The following OLFM2 variants were observed in gnomAD, a reference collection of about 807,000 sequenced individuals.
The protein encoded by OLFM2 is olfactomedin 2.
Under a neutral mutation model 43.9 loss-of-function variants are expected in OLFM2, and 20 were observed. The observed-to-expected ratio is 0.46, with a 90% CI of 0.32 to 0.66. OLFM2 has a LOEUF of 0.66. OLFM2 is among the 30% of genes least tolerant of loss of function. OLFM2 has a pLI of 0.04. For synonymous variants in OLFM2, 268 were observed against 278.6 expected (o/e 0.96, Z 0.38); for missense variants, 416 against 643.6 (o/e 0.65, Z 3.83).
At chr19:9,928,555 A>G (rs746623952) in intron 1 of OLFM2, among the ~76,000 whole-genome samples, 26 of 152,140 alleles carry the variant, frequency 1.7e-4, no homozygotes, top group Non-Finnish European at 2.9e-4. Flanking sequence ...CTGTAATCCC[A>G]GCACTGAGGG....
At chr19:9,873,344 G>A (rs1387404658) in intron 1 of OLFM2, among the ~76,000 whole-genome samples, 1 of 152,114 alleles carries the variant, frequency 6.6e-6, no homozygotes, top group African/African-American at 2.4e-5. Flanking sequence ...TGTAGAGACG[G>A]GGTTTCACCA....
At chr19:9,859,270 T>C (rs1225313714) in intron 2 of OLFM2, among the ~76,000 whole-genome samples, 2 of 152,300 alleles carry the variant, frequency 1.3e-5, no homozygotes, top group East Asian at 3.9e-4. Flanking sequence ...CCAAAAATAT[T>C]AAGTGGGAAA....
intron 1 of OLFM2, among the ~76,000 whole-genome samples, chr19:9,912,867 G>A (rs2046838532): frequency 1.3e-5 from 2 of 151,616 alleles, no homozygotes; most frequent in South Asian, 4.2e-4. Flanking sequence ...GAGAAAAAGA[G>A]AGAAAAAAAG....
At chr19:9,885,762 C>G (rs76231409) in intron 1 of OLFM2, among the ~76,000 whole-genome samples, 4,529 of 152,266 alleles carry the variant, frequency 0.03, 104 homozygotes, top group Non-Finnish European at 0.045. Flanking sequence ...AATCTATTCT[C>G]TTCCAGGTCC....
intron 5 of OLFM2, among the ~76,000 whole-genome samples, chr19:9,855,185 GC>G (rs1242917142): frequency 6.6e-6 from 1 of 151,740 alleles, no homozygotes; most frequent in Non-Finnish European, 1.5e-5. Flanking sequence ...GAACTGCATG[GC>G]CCCAGTAGGA....
At chr19:9,908,652 T>C (rs12973951) in intron 1 of OLFM2, among the ~76,000 whole-genome samples, 52,843 of 151,422 alleles carry the variant, frequency 0.35, 11,296 homozygotes, top group Admixed American at 0.53. Context: ...CTAATTATTG[T>C]ATTTTTAGTA....
intron 1 of OLFM2, among the ~76,000 whole-genome samples, chr19:9,916,007 ATACTT>A (rs1568385586): frequency 6.6e-6 from 1 of 152,182 alleles, no homozygotes; most frequent in Non-Finnish European, 1.5e-5. Context: ...TGTTTGTAAA[ATACTT>A]TACAAGTGTC....
intron 1 of OLFM2, among the ~76,000 whole-genome samples, chr19:9,925,974 A>G (rs1197782936): frequency 6.6e-6 from 1 of 151,544 alleles, no homozygotes; most frequent in Non-Finnish European, 1.5e-5. Flanking sequence ...ATCTCTACAG[A>G]AAAAATTTAA....
chr19:9,886,941 C>G (rs1485002761), intron 1 of OLFM2, among the ~76,000 whole-genome samples: 1 of 151,976 alleles, frequency 6.6e-6, no homozygotes, highest in Non-Finnish European at 1.5e-5. Context: ...GCCTCGGCCT[C>G]CCAGTGTTGG....
chr19:9,924,333 G>A (rs977071798), intron 1 of OLFM2, among the ~76,000 whole-genome samples: 3 of 146,454 alleles, frequency 2.0e-5, no homozygotes, highest in Non-Finnish European at 4.5e-5. Flanking sequence ...GTGAACCCGG[G>A]AGGCGGAGCT....
chr19:9,902,261 C>T (rs1264868751), intron 1 of OLFM2, among the ~76,000 whole-genome samples: 2 of 152,026 alleles, frequency 1.3e-5, no homozygotes, highest in African/African-American at 2.4e-5. Flanking sequence ...ATCTCCTGAC[C>T]TCGTGATTCG....
At chr19:9,924,894 AT>A (rs2086443451) in intron 1 of OLFM2, among the ~76,000 whole-genome samples, 3 of 151,322 alleles carry the variant, frequency 2.0e-5, no homozygotes, top group Non-Finnish European at 4.4e-5. Context: ...TATGTGATAT[AT>A]ATATATATAT....
intron 1 of OLFM2, among the ~76,000 whole-genome samples, chr19:9,862,391 C>G (rs1036204590): frequency 6.6e-6 from 1 of 151,782 alleles, no homozygotes; most frequent in Admixed American, 6.6e-5. Context: ...TCTGGAGGGA[C>G]CCAGGAATGG....
At chr19:9,888,352 C>T (rs2046606599) in intron 1 of OLFM2, among the ~76,000 whole-genome samples, 1 of 151,736 alleles carries the variant, frequency 6.6e-6, no homozygotes, top group African/African-American at 2.4e-5. Flanking sequence ...GTGAAACCCC[C>T]GTCTCTACTA....
chr19:9,912,283 C>T (rs1422594723), intron 1 of OLFM2, among the ~76,000 whole-genome samples: 1 of 152,168 alleles, frequency 6.6e-6, no homozygotes, highest in Non-Finnish European at 1.5e-5. Flanking sequence ...CCACCAGGGG[C>T]TGGACAAAGC....
At chr19:9,885,750 T>G (rs1437305909) in intron 1 of OLFM2, among the ~76,000 whole-genome samples, 5 of 152,134 alleles carry the variant, frequency 3.3e-5, no homozygotes, top group African/African-American at 1.2e-4. Flanking sequence ...TCATCTTTGC[T>G]CAATCTATTC....
At chr19:9,920,466 C>G (rs1361345578) in intron 1 of OLFM2, among the ~76,000 whole-genome samples, 1 of 152,084 alleles carries the variant, frequency 6.6e-6, no homozygotes, top group Non-Finnish European at 1.5e-5. Context: ...TTTACCCCTC[C>G]TTCTCCATCA....
intron 1 of OLFM2, among the ~76,000 whole-genome samples, chr19:9,892,581 G>A (rs1410070354): frequency 6.6e-6 from 1 of 151,964 alleles, no homozygotes; most frequent in East Asian, 1.9e-4. Context: ...CTTGGTGGCG[G>A]GTGCCTGTAG....
intron 1 of OLFM2, among the ~76,000 whole-genome samples, chr19:9,933,945 T>C (rs186536559): frequency 6.0e-4 from 92 of 152,340 alleles, no homozygotes; most frequent in Middle Eastern, 3.4e-3. Flanking sequence ...CCGTATTACA[T>C]GGTTATTCGG....
Sources: allele counts gnomAD v4.1 joint callset (sites outside exome capture counted in the v4.1 genomes callset), GRCh38; gene constraint gnomAD v4.1.1; transcripts MANE v1.5; gene names NCBI Gene and HGNC (gene_info 2026-07-23, HGNC 2026-07-21).